LRP1B: variants seen among roughly 807,000 people sequenced by gnomAD.
The protein encoded by LRP1B is low-density lipoprotein receptor-related protein 1B.
In LRP1B, 217 loss-of-function variants were observed where a neutral mutation model predicts 556.6. That is an observed-to-expected ratio of 0.39 (90% CI 0.35 to 0.44). The LOEUF is 0.44. Among genes scored for constraint, LRP1B ranks in the 20% least tolerant of loss-of-function variants. The pLI is 1.00. For missense variants in LRP1B, 5,053 were observed against 5,620.8 expected (o/e 0.90, Z 3.23); for synonymous variants, 2,047 against 1,865.8 (o/e 1.10, Z -2.50).
chr2:140,631,143 T>C (rs1683867627), intron 41 of LRP1B, among the ~76,000 whole-genome samples: 1 of 152,148 alleles, frequency 6.6e-6, no homozygotes, highest in African/African-American at 2.4e-5. Flanking sequence ...CACCCATAGC[T>C]ATGGCAAACA....
chr2:141,802,709 G>A (rs1039621188), intron 2 of LRP1B, among the ~76,000 whole-genome samples: 1 of 152,084 alleles, frequency 6.6e-6, no homozygotes, highest in African/African-American at 2.4e-5. Flanking sequence ...TGTCATTTTA[G>A]AAGCACTTCT....
At chr2:140,357,638 T>A (rs1341710560) in intron 74 of LRP1B, among the ~76,000 whole-genome samples, 1 of 151,648 alleles carries the variant, frequency 6.6e-6, no homozygotes, top group Non-Finnish European at 1.5e-5. Flanking sequence ...TTTACTATCA[T>A]TCAACTAAAT....
At chr2:141,822,124 C>CAGAG (rs1390471936) in intron 1 of LRP1B, among the ~76,000 whole-genome samples, 82 of 111,866 alleles carry the variant, frequency 7.3e-4, no homozygotes, top group African/African-American at 2.7e-3. Context: ...CACACACACA[C>CAGAG]ACACACAGAG....
intron 7 of LRP1B, among the ~76,000 whole-genome samples, chr2:141,118,565 G>A (rs576185483): frequency 2.8e-4 from 43 of 151,978 alleles, no homozygotes; most frequent in African/African-American, 8.4e-4. Context: ...TTCTGAGAGC[G>A]AAGAGATTGA....
chr2:140,923,960 T>A (rs977404911), intron 20 of LRP1B, among the ~76,000 whole-genome samples: 1 of 152,066 alleles, frequency 6.6e-6, no homozygotes, highest in African/African-American at 2.4e-5. Context: ...AAAATTTGTT[T>A]TAAGATCTAA....
chr2:141,511,069 C>G, intron 2 of LRP1B, among the ~76,000 whole-genome samples: 1 of 152,220 alleles, frequency 6.6e-6, no homozygotes, highest in South Asian at 2.1e-4. Context: ...GCTTTAAACT[C>G]AGTTTCTTGA....
At chr2:140,516,760 A>T in intron 50 of LRP1B, 129 bp downstream of exon 50, 1 of 841,330 alleles carries the variant, frequency 1.2e-6, no homozygotes, top group Non-Finnish European at 1.8e-6. Flanking sequence ...TTTTTGTATT[A>T]TTTAATAAAA....
At chr2:140,960,808 A>G (rs547622514) in intron 18 of LRP1B, among the ~76,000 whole-genome samples, 1 of 152,026 alleles carries the variant, frequency 6.6e-6, no homozygotes, top group African/African-American at 2.4e-5. Context: ...ATCTGATACT[A>G]TGGTCAATAT....
intron 7 of LRP1B, among the ~76,000 whole-genome samples, chr2:141,082,126 A>C (rs570074493): frequency 2.4e-5 from 1 of 41,224 alleles, no homozygotes; most frequent in Admixed American, 2.6e-4. Context: ...ATTCCAAGAC[A>C]ATTCTTATTT....
chr2:141,019,796 A>G, intron 12 of LRP1B, 126 bp downstream of exon 12: 1 of 661,184 alleles, frequency 1.5e-6, no homozygotes, highest in African/African-American at 1.8e-5. Flanking sequence ...AACTTTACCC[A>G]CTAAGACCAT....
chr2:140,622,094 G>A (rs551623435), intron 41 of LRP1B, among the ~76,000 whole-genome samples: 1 of 152,060 alleles, frequency 6.6e-6, no homozygotes, highest in African/African-American at 2.4e-5. Context: ...CATCAATTTG[G>A]TGTAAAGCAT....
At chr2:141,118,892 A>G (rs924529263) in intron 7 of LRP1B, among the ~76,000 whole-genome samples, 1 of 151,876 alleles carries the variant, frequency 6.6e-6, no homozygotes, top group Non-Finnish European at 1.5e-5. Context: ...TTAAGTTCAA[A>G]GCAGCGTTAA....
intron 66 of LRP1B, among the ~76,000 whole-genome samples, chr2:140,441,402 A>C (rs1372929564): frequency 1.3e-5 from 2 of 152,194 alleles, no homozygotes; most frequent in Non-Finnish European, 2.9e-5. Flanking sequence ...GGCTTTGTGA[A>C]TTGATTATGA....
intron 65 of LRP1B, 27 bp from the exon 66 acceptor site, chr2:140,442,650 G>A (rs962346729): frequency 6.2e-6 from 10 of 1,610,596 alleles, no homozygotes; most frequent in East Asian, 2.2e-5. Context: ...CCATTAAAAT[G>A]TAGCTTTGGA....
At chr2:141,154,179 T>C (rs909422790) in intron 7 of LRP1B, among the ~76,000 whole-genome samples, 25 of 151,892 alleles carry the variant, frequency 1.6e-4, no homozygotes, top group Admixed American at 3.3e-4. Context: ...GTTTAAAGAA[T>C]GAAGTTGAAT....
chr2:141,972,088 C>T (rs911290789), intron 1 of LRP1B, among the ~76,000 whole-genome samples: 7 of 151,462 alleles, frequency 4.6e-5, no homozygotes, highest in African/African-American at 1.7e-4. Flanking sequence ...ATTTTGTGTG[C>T]ATAACTTGAT....
intron 2 of LRP1B, among the ~76,000 whole-genome samples, chr2:141,788,746 T>A (rs1260470352): frequency 3.4e-5 from 5 of 148,572 alleles, no homozygotes; most frequent in East Asian, 2.1e-4. Context: ...TGTCCATGTG[T>A]TCTCACTGTT....
chr2:140,257,754 A>G (rs1573695212), intron 86 of LRP1B, among the ~76,000 whole-genome samples: 1 of 152,222 alleles, frequency 6.6e-6, no homozygotes, highest in Non-Finnish European at 1.5e-5. Context: ...AATCAGGGAC[A>G]TACAATGTCC....
intron 84 of LRP1B, 113 bp downstream of exon 84, chr2:140,297,695 G>A (rs1683664037): frequency 1.4e-5 from 17 of 1,191,592 alleles, no homozygotes; most frequent in Non-Finnish European, 1.9e-5. Flanking sequence ...GACAGAGACT[G>A]AACCTGAAAA....
Sources: allele counts gnomAD v4.1 joint callset (sites outside exome capture counted in the v4.1 genomes callset), GRCh38; gene constraint gnomAD v4.1.1; transcripts MANE v1.5; gene names NCBI Gene and HGNC (gene_info 2026-07-23, HGNC 2026-07-21).